FOXP1: variants seen among roughly 807,000 people sequenced by gnomAD.
FOXP1 encodes the protein forkhead box protein P1.
Under a neutral mutation model 98.2 loss-of-function variants are expected in FOXP1, and 15 were observed. That is an observed-to-expected ratio of 0.15 (90% CI 0.10 to 0.24). The LOEUF (loss-of-function observed/expected upper bound fraction) is 0.24, where lower values mean the gene tolerates loss of function less well. Ranked by LOEUF, FOXP1 falls within the 10% of genes least tolerant of loss-of-function variation. The pLI, the probability that FOXP1 is intolerant of heterozygous loss-of-function variation, is 1.00. For missense variants in FOXP1, 633 were observed against 848.5 expected (o/e 0.75, Z 3.15); for synonymous variants, 371 against 314.5 (o/e 1.18, Z -1.90).
chr3:71,449,330 A>T (rs2086726709), intron 3 of FOXP1, among the ~76,000 whole-genome samples: 1 of 152,126 alleles, frequency 6.6e-6, no homozygotes, highest in African/African-American at 2.4e-5. Flanking sequence ...GCCTCCTTAA[A>T]TTTTCCACCC....
At chr3:71,186,488 G>A (rs1362394237) in intron 6 of FOXP1, among the ~76,000 whole-genome samples, 4 of 152,192 alleles carry the variant, frequency 2.6e-5, no homozygotes, top group Admixed American at 6.5e-5. Context: ...CGAGGCAGGC[G>A]GATCACGAGG....
intron 3 of FOXP1, among the ~76,000 whole-genome samples, chr3:71,428,632 C>CG (rs1190602282): frequency 6.6e-6 from 1 of 152,192 alleles, no homozygotes; most frequent in Non-Finnish European, 1.5e-5. Context: ...AGAGGCCCCC[C>CG]TATGAAATGT....
At chr3:71,379,562 C>G (rs1405494114) in intron 3 of FOXP1, among the ~76,000 whole-genome samples, 1 of 151,826 alleles carries the variant, frequency 6.6e-6, no homozygotes, top group African/African-American at 2.4e-5. Context: ...GATTTCTATA[C>G]AGCCCACGAG....
chr3:71,421,631 G>A, intron 3 of FOXP1, among the ~76,000 whole-genome samples: 1 of 152,272 alleles, frequency 6.6e-6, no homozygotes, highest in Middle Eastern at 3.4e-3. Context: ...ACTCAGGACA[G>A]AGACACCTGC....
rs770742398 is a variant in FOXP1 at position 71,318,649 on chromosome 3, G to GTCACA, written c.-72-18770_-72-18769insTGTGA. ...ATAAACTTTTTCACTATTTAGACGT[G>GTCACA]GGCTGCTGTTGAATGTCAGGAGAAG... On this transcript the variant is annotated intron_variant, in intron 4 of 20. Coordinates refer to ENST00000649528, the MANE Select transcript of FOXP1 (RefSeq NM_001349338.3). Among the ~76,000 whole-genome samples, 819 of 152,210 alleles carry GTCACA rather than the reference G, an allele frequency of 5.4e-3. 11 individuals are homozygous for GTCACA. The highest frequency in any genetic ancestry group is 0.03 in the East Asian group (156 of 5,172).
intron 2 of FOXP1, among the ~76,000 whole-genome samples, chr3:71,545,686 T>C (rs11719972): frequency 0.29 from 44,137 of 152,158 alleles, 7,815 homozygotes; most frequent in Non-Finnish European, 0.4. Flanking sequence ...ATTTAACCTA[T>C]ATATATCGTT....
intron 2 of FOXP1, among the ~76,000 whole-genome samples, chr3:71,504,671 G>C (rs547905838): frequency 6.6e-6 from 1 of 152,172 alleles, no homozygotes; most frequent in South Asian, 2.1e-4. Context: ...ATGTGGTTTG[G>C]AAATGTCTCG....
intron 2 of FOXP1, among the ~76,000 whole-genome samples, chr3:71,561,843 G>A (rs1194331739): frequency 6.6e-6 from 1 of 152,158 alleles, no homozygotes; most frequent in Non-Finnish European, 1.5e-5. Flanking sequence ...TTCCAAAGAT[G>A]CATTCCCACC....
At chr3:71,214,996 G>A (rs958910210) in intron 5 of FOXP1, among the ~76,000 whole-genome samples, 1 of 152,196 alleles carries the variant, frequency 6.6e-6, no homozygotes, top group Non-Finnish European at 1.5e-5. Flanking sequence ...CAGCCGCAAA[G>A]GCATCACCTG....
chr3:71,378,103 A>C lies in FOXP1; in HGVS notation c.-167-18859T>G, dbSNP rs867738758. 4.9e-4 allele frequency among the ~76,000 whole-genome samples: 74 copies of C among 152,062 alleles called. No individual in the cohort carries two copies. The South Asian group carries it at 6.2e-3, about 13-fold the overall frequency. On this transcript the variant is annotated intron_variant, in intron 3 of 20. Coordinates refer to ENST00000649528, the MANE Select transcript of FOXP1 (RefSeq NM_001349338.3). ...ATCAATACAGGCCAAGAAACAAAAAAAAAAAAAAAAGCCTGTGTTTGAGAT... is the reference window on the plus strand; with the variant it reads ...ATCAATACAGGCCAAGAAACAAAAACAAAAAAAAAAGCCTGTGTTTGAGAT...
rs560744380 is a variant in FOXP1, at chr3:71,346,361, G to C, written c.-73+12789C>G. On this transcript the variant is annotated intron_variant, in intron 4 of 20. Coordinates refer to ENST00000649528, the MANE Select transcript of FOXP1 (RefSeq NM_001349338.3). The stretch of plus-strand genomic sequence containing the variant: ...AAAGTTTTGATTTAGCCAAGCAAAC[G>C]TGGCTGTTTTTGTTGGGTGGAAGAG... 2.0e-5 allele frequency among the ~76,000 whole-genome samples: 3 copies of C among 152,342 alleles called. No individual in the cohort carries two copies. In the South Asian group the frequency reaches 6.2e-4, roughly 32 times the overall value.
chr3:71,121,658 A>T (rs946734374), intron 6 of FOXP1, among the ~76,000 whole-genome samples: 3 of 152,162 alleles, frequency 2.0e-5, no homozygotes, highest in Non-Finnish European at 2.9e-5. Flanking sequence ...CCCAAGCCTG[A>T]GCCTGTTTAG....
chr3:71,043,007 G>A (rs933004740), intron 10 of FOXP1, among the ~76,000 whole-genome samples: 7 of 152,112 alleles, frequency 4.6e-5, no homozygotes, highest in African/African-American at 1.4e-4. Flanking sequence ...TATATTCACC[G>A]TGGATCGTTT....
intron 2 of FOXP1, among the ~76,000 whole-genome samples, chr3:71,555,128 T>C (rs932445447): frequency 2.0e-5 from 3 of 152,192 alleles, no homozygotes; most frequent in African/African-American, 7.2e-5. Flanking sequence ...TATTCAAAAA[T>C]GACAAAACCA....
chr3:71,396,961 T>C (rs1189219328), intron 3 of FOXP1, among the ~76,000 whole-genome samples: 2 of 36,518 alleles, frequency 5.5e-5, no homozygotes, highest in East Asian at 5.1e-4. Flanking sequence ...TATATATATA[T>C]ATGTGTGTAT....
chr3:71,582,854 G>C (rs2048296528), intron 1 of FOXP1: 1 of 962,144 alleles, frequency 1.0e-6, no homozygotes, highest in Non-Finnish European at 1.2e-6. Flanking sequence ...GCTGACTCTC[G>C]GGGTAACGCG....
At chr3:71,065,137 C>T (rs2052299203) in intron 7 of FOXP1, among the ~76,000 whole-genome samples, 2 of 151,148 alleles carry the variant, frequency 1.3e-5, no homozygotes, top group Non-Finnish European at 3.0e-5. Context: ...GCTCGGGTGC[C>T]ACCCTGCTTT....
chr3:71,194,261 C>CAAAAAAAAA (rs11445848), intron 6 of FOXP1, among the ~76,000 whole-genome samples: 1 of 113,762 alleles, frequency 8.8e-6, no homozygotes, highest in African/African-American at 2.9e-5. Flanking sequence ...CAGGTGGTAC[C>CAAAAAAAAA]AAAAAAAAAA....
intron 5 of FOXP1, among the ~76,000 whole-genome samples, chr3:71,279,334 C>T (rs1401774757): frequency 6.6e-6 from 1 of 152,102 alleles, no homozygotes; most frequent in African/African-American, 2.4e-5. Flanking sequence ...TGGTAATTTG[C>T]CCTAAATTAG....
Sources: allele counts gnomAD v4.1 joint callset (sites outside exome capture counted in the v4.1 genomes callset), GRCh38; gene constraint gnomAD v4.1.1; transcripts MANE v1.5; gene names NCBI Gene and HGNC (gene_info 2026-07-23, HGNC 2026-07-21).